TMEM39B: variants seen among roughly 807,000 people sequenced by gnomAD.
TMEM39B encodes transmembrane protein 39B.
TMEM39B carries 23 observed loss-of-function variants against 52.2 expected under a neutral mutation model. That is an observed-to-expected ratio of 0.44 (90% CI 0.32 to 0.62). The LOEUF is 0.62. TMEM39B is among the 20% of genes least tolerant of loss of function. The probability of loss-of-function intolerance (pLI) is 0.06; values close to 1 mark genes in which losing one functional copy is unlikely to be tolerated. For missense variants in TMEM39B, 547 were observed against 642.0 expected (o/e 0.85, Z 1.60); for synonymous variants, 285 against 264.0 (o/e 1.08, Z -0.77).
At chr1:32,096,358 G>A (rs1457966711) in intron 7 of TMEM39B, among the ~76,000 whole-genome samples, 1 of 150,412 alleles carries the variant, frequency 6.6e-6, no homozygotes, top group Non-Finnish European at 1.5e-5. Context: ...GCTGTCTACT[G>A]TGTTTGCTTA....
At chr1:32,074,785 A>C (rs969777110) in intron 1 of TMEM39B, among the ~76,000 whole-genome samples, 166 bp from the exon 2 acceptor site, 5 of 152,160 alleles carry the variant, frequency 3.3e-5, no homozygotes, top group African/African-American at 9.6e-5. Flanking sequence ...TGAGGTAGAG[A>C]ATGATAGGGG....
In TMEM39B at chr1:32,094,938, AC is replaced by A; in HGVS notation, c.1085del (p.Pro362GlnfsTer24). 4 of 1,613,734 alleles carry A rather than the reference AC, an allele frequency of 2.5e-6. No individual in the cohort carries two copies. Among genetic ancestry groups the A allele is most frequent in the Non-Finnish European group, 3.4e-6 (4 of 1,180,038 alleles). The stretch of plus-strand genomic sequence containing the variant: ...CATCTGGGCTGTTGGCAGAAGGTGG[AC>A]CCAGCGCTGTGCTCCAACGTGCTGC... ...AAHLGCWQKV[D>X]PALCSNVLQH... is the part of the protein sequence containing the mutation. On this transcript the variant is annotated frameshift_variant, in exon 7 of 9. Transcript: ENST00000336294. LOFTEE classifies it high-confidence loss of function.
At position 32,102,836 on chromosome 1, in the gene TMEM39B, GA is replaced by G; in HGVS notation, c.*169del. On this transcript the variant is annotated 3_prime_UTR_variant, in exon 9 of 9. Transcript: ENST00000336294. Reference sequence around the variant, plus strand: ...TTTCTTTGATAATTGATGTGATAAGGAAAAAAGTCCTATTTTTATACTCCCA... The same window carrying G: ...TTTCTTTGATAATTGATGTGATAAGGAAAAAGTCCTATTTTTATACTCCCA... 1.2e-6 allele frequency: 1 copy of G among 806,228 alleles called. No individual in the cohort carries two copies. The highest frequency in any genetic ancestry group is 3.6e-5 in the South Asian group (1 of 27,796). The allele number at this position is 806,228 out of a possible 1,614,324, so 49.9% of individuals were successfully genotyped here. A position where few individuals can be genotyped will look rare whatever the true frequency, so the allele number is the denominator to read the frequency against.
intron 5 of TMEM39B, among the ~76,000 whole-genome samples, chr1:32,091,304 T>C (rs1227441195): frequency 6.6e-6 from 1 of 152,116 alleles, no homozygotes; most frequent in African/African-American, 2.4e-5. Context: ...AGTGTTGTTA[T>C]GAGAAAAGCG....
At chr1:32,074,757 G>C (rs763738532) in intron 1 of TMEM39B, among the ~76,000 whole-genome samples, 194 bp from the exon 2 acceptor site, 5 of 152,174 alleles carry the variant, frequency 3.3e-5, no homozygotes, top group Non-Finnish European at 7.3e-5. Flanking sequence ...GCATGGGGCG[G>C]GTGGTAGAGG....
At chr1:32,100,349 G>A in intron 7 of TMEM39B, 93 bp from the exon 8 acceptor site, 1 of 1,382,138 alleles carries the variant, frequency 7.2e-7, no homozygotes, top group Non-Finnish European at 9.6e-7. Context: ...AGAAATGGGA[G>A]TAGAGCCCTG....
intron 8 of TMEM39B, 64 bp from the exon 9 acceptor site, chr1:32,102,366 AC>A: frequency 6.4e-7 from 1 of 1,569,882 alleles, no homozygotes. Context: ...CCCACCCAGA[AC>A]CCCCATCCAG....
chr1:32,091,941 TGAAG>T lies in TMEM39B; in HGVS notation c.862_865del (p.Glu288CysfsTer7). 1 of 1,614,146 alleles carries T rather than the reference TGAAG, an allele frequency of 6.2e-7. No homozygotes were observed. Among genetic ancestry groups the T allele is most frequent in the Non-Finnish European group, 8.5e-7 (1 of 1,180,004 alleles). ...CTCAAGATGGACTTCAACTGGCGCA[TGAAG>T]GAAGTGCTCGTCAGCTCCATGCTGA... On this transcript the variant is annotated frameshift_variant, in exon 6 of 9. Transcript: ENST00000336294. LOFTEE classifies it high-confidence loss of function.
At chr1:32,085,808 T>C (rs1381684307) in intron 5 of TMEM39B, among the ~76,000 whole-genome samples, 1 of 152,088 alleles carries the variant, frequency 6.6e-6, no homozygotes, top group Non-Finnish European at 1.5e-5. Flanking sequence ...CTGGGGTCAA[T>C]TTTTCTGTTT....
At chr1:32,083,311 G>A (rs1256743461) in intron 5 of TMEM39B, among the ~76,000 whole-genome samples, 2 of 146,654 alleles carry the variant, frequency 1.4e-5, no homozygotes, top group East Asian at 2.1e-4. Flanking sequence ...TCGAACTCCC[G>A]ACCTCAGGTG....
At chr1:32,089,161 G>A (rs1264088063) in intron 5 of TMEM39B, among the ~76,000 whole-genome samples, 2 of 143,302 alleles carry the variant, frequency 1.4e-5, no homozygotes, top group African/African-American at 2.6e-5. Flanking sequence ...TTTTTAGACA[G>A]GGTCTCATTC....
At chr1:32,096,707 C>T (rs1276712900) in intron 7 of TMEM39B, among the ~76,000 whole-genome samples, 2 of 152,064 alleles carry the variant, frequency 1.3e-5, no homozygotes, top group Non-Finnish European at 2.9e-5. Context: ...GTGATTCACT[C>T]GTCCTGGCCT....
chr1:32,096,562 C>T (rs374091476), intron 7 of TMEM39B, among the ~76,000 whole-genome samples: 11 of 146,842 alleles, frequency 7.5e-5, no homozygotes, highest in African/African-American at 2.8e-4. Context: ...TGGATTCAAG[C>T]GATTCTCCTG....
At chr1:32,092,162 T>G (rs1640635292) in intron 6 of TMEM39B, 151 bp downstream of exon 6, 1 of 750,736 alleles carries the variant, frequency 1.3e-6, no homozygotes, top group Non-Finnish European at 2.1e-6. Context: ...CTCCATTTTA[T>G]TTTTTATTTT....
rs539944488 is a variant in TMEM39B, at chr1:32,085,909, TTCTC to T, written c.591-5762_591-5759del. Among the ~76,000 whole-genome samples, 35 of 152,220 alleles carry T rather than the reference TTCTC, an allele frequency of 2.3e-4. 1 individual carries two copies. The East Asian group carries it at 6.6e-3, about 29-fold the overall frequency. On this transcript the variant is annotated intron_variant, in intron 5 of 8. Coordinates refer to ENST00000336294, the MANE Select transcript of TMEM39B (RefSeq NM_018056.4). The stretch of plus-strand genomic sequence containing the variant: ...ACTGAGTAGCAGGAGTGCAGTTTCT[TTCTC>T]TCTGTCATTGTTTAAGGGGGTAAGA...
chr1:32,077,923 T>C (rs142825179), intron 5 of TMEM39B, among the ~76,000 whole-genome samples: 1 of 152,338 alleles, frequency 6.6e-6, no homozygotes, highest in Non-Finnish European at 1.5e-5. Flanking sequence ...TGCCCAGGAC[T>C]GCCCATTTCT....
Position 32,075,620 on chromosome 1 carries a change from G to A in TMEM39B, c.149G>A (p.Gly50Asp). The A allele has an allele frequency of 6.4e-7, 1 of 1,551,230 alleles. No individual in the cohort carries two copies. The highest frequency in any genetic ancestry group is 8.7e-7 in the Non-Finnish European group (1 of 1,146,952). The change falls in exon 3 of 9, where the codon GGC (glycine) becomes GAC (aspartate). Residue 50 changes from glycine to aspartate, a missense_variant. Transcript: ENST00000336294. ...ACTGTCAGGAGCAGTTCTGGAACAG[G>A]CCTCTCCAGCCCTCCTCTGGCCACC... is the stretch of plus-strand genomic sequence containing the variant. ...RSRTRSSSGT[G>D]LSSPPLATQT...
Position 32,089,228 on chromosome 1 carries a change from C to T in TMEM39B, c.591-2447C>T, listed in dbSNP as rs996883441. ...CTCAGCTCATTGCAGCCTTGAACCC[C>T]GCTAGGATCAGGTGATCTTCCCACC... On this transcript the variant is annotated intron_variant, in intron 5 of 8. Coordinates refer to ENST00000336294, the MANE Select transcript of TMEM39B (RefSeq NM_018056.4). Among the ~76,000 whole-genome samples, 10 of 150,884 alleles carry T rather than the reference C, an allele frequency of 6.6e-5. 1 individual carries two copies. The highest frequency in any genetic ancestry group is 6.4e-4 in the South Asian group (3 of 4,708).
intron 5 of TMEM39B, 139 bp from the exon 6 acceptor site, chr1:32,091,536 A>C: frequency 1.1e-6 from 1 of 914,594 alleles, no homozygotes; most frequent in Non-Finnish European, 1.6e-6. Context: ...GGGTGGATGG[A>C]TGGAAGGACT....
Sources: allele counts gnomAD v4.1 joint callset (sites outside exome capture counted in the v4.1 genomes callset), GRCh38; gene constraint gnomAD v4.1.1; transcripts MANE v1.5; gene names NCBI Gene and HGNC (gene_info 2026-07-23, HGNC 2026-07-21).